The following ZFHX4 variants were observed in gnomAD, a reference collection of about 807,000 sequenced individuals.
ZFHX4 encodes zinc finger homeobox protein 4.
In ZFHX4, 56 loss-of-function variants were observed where a neutral mutation model predicts 267.6. The observed-to-expected ratio is 0.21, with a 90% CI of 0.17 to 0.26. The LOEUF (loss-of-function observed/expected upper bound fraction) is 0.26. Ranked by LOEUF, ZFHX4 falls within the 10% of genes least tolerant of loss-of-function variation. The pLI is 1.00. For synonymous variants in ZFHX4, 1,778 were observed against 1,665.6 expected (o/e 1.07, Z -1.64); for missense variants, 4,332 against 4,420.0 (o/e 0.98, Z 0.56).
At position 76,854,722 on chromosome 8, in the gene ZFHX4, G is replaced by T. The variant is rs1445640360; in HGVS notation, c.7801G>T (p.Asp2601Tyr). The change falls in exon 10 of 11, where the codon GAC becomes TAC. Residue 2601 changes from aspartate (D) to tyrosine (Y), a missense_variant. This residue lies in a region of ZFHX4 where 1,648 missense variants were observed against 1,625.0 expected (regional missense o/e 1.01). Coordinates refer to ENST00000651372, the MANE Select transcript of ZFHX4 (RefSeq NM_024721.5). ...SEKEGGNSGE[D>Y]QHRDKRLRTT... ...AAAAGAAGGAGGGAATAGCGGTGAA[G>T]ACCAACACCGAGATAAACGCTTGAG... 6.2e-7 allele frequency: 1 copy of T among 1,613,136 alleles called. No homozygotes were observed. The highest frequency in any genetic ancestry group is 1.3e-5 in the African/African-American group (1 of 74,872).
chr8:76,784,171 A>G (rs1043979959), intron 4 of ZFHX4, among the ~76,000 whole-genome samples: 7 of 152,008 alleles, frequency 4.6e-5, no homozygotes, highest in Non-Finnish European at 7.4e-5. Flanking sequence ...TAATTGTAGA[A>G]TTGATAATTC....
chr8:76,849,484 G>T, intron 7 of ZFHX4, 28 bp from the exon 8 acceptor site: 1 of 1,575,274 alleles, frequency 6.3e-7, no homozygotes, highest in Non-Finnish European at 8.7e-7. Context: ...TTAACTAATA[G>T]TGGCCATGTT....
rs56753465 is a variant in ZFHX4 at position 76,728,376 on chromosome 8, C to T, written c.3093+20328C>T. The stretch of plus-strand genomic sequence containing the variant: ...TGAAAATCTCCAAACCTCATTTTAG[C>T]CACTGGTTTCCAATATCTTCCTTTT... On this transcript the variant is annotated intron_variant, in intron 3 of 10. Coordinates refer to ENST00000651372, the MANE Select transcript of ZFHX4 (RefSeq NM_024721.5). Among the ~76,000 whole-genome samples the T allele has an allele frequency of 8.5e-3, 1,294 of 152,240 alleles. 22 individuals are homozygous for T. The highest frequency in any genetic ancestry group is 0.03 in the African/African-American group (1,243 of 41,546).
chr8:76,805,338 G>T (rs944676259), intron 4 of ZFHX4, among the ~76,000 whole-genome samples: 8 of 152,052 alleles, frequency 5.3e-5, no homozygotes, highest in African/African-American at 1.9e-4. Flanking sequence ...AAATGAGGTT[G>T]TTGTAAAGGA....
At chr8:76,841,403 T>G (rs536095355) in intron 5 of ZFHX4, among the ~76,000 whole-genome samples, 6 of 152,278 alleles carry the variant, frequency 3.9e-5, no homozygotes, top group African/African-American at 1.2e-4. Flanking sequence ...AGGGCCACGA[T>G]TTCCCCTTTC....
intron 3 of ZFHX4, among the ~76,000 whole-genome samples, chr8:76,770,691 A>G (rs965306090): frequency 2.0e-5 from 3 of 152,160 alleles, no homozygotes; most frequent in African/African-American, 7.2e-5. Context: ...TACAACAAGG[A>G]AAAAAATGTC....
rs371431519 is a variant in ZFHX4 at position 76,853,940 on chromosome 8, A to T, written c.7019A>T (p.Asp2340Val). Residue 2340 changes from aspartate (D) to valine (V), a missense_variant, in exon 10 of 11, where the codon GAT becomes GTT. By Grantham distance (152) the Asp-to-Val change is radical (BLOSUM62 -3). Around this residue, in one of 7 missense-constraint regions of ZFHX4, gnomAD observed 1,648 missense variants for 1,625.0 expected, o/e 1.01. Transcript: ENST00000651372. ...HQKKQCYKDEDDDAQDESQTE... is the reference protein window; with the variant it reads ...HQKKQCYKDEVDDAQDESQTE... ...AAAAAGCAGTGTTACAAGGATGAAGATGATGATGCCCAAGATGAAAGCCAA... is the reference window on the plus strand; with the variant it reads ...AAAAAGCAGTGTTACAAGGATGAAGTTGATGATGCCCAAGATGAAAGCCAA... 7 of 1,613,806 alleles carry T rather than the reference A, an allele frequency of 4.3e-6. No individual in the cohort carries two copies. Among genetic ancestry groups the T allele is most frequent in the Middle Eastern group, 1.6e-4 (1 of 6,084 alleles).
At chr8:76,709,148 T>G (rs1808356730) in intron 3 of ZFHX4, among the ~76,000 whole-genome samples, 1 of 152,150 alleles carries the variant, frequency 6.6e-6, no homozygotes, top group African/African-American at 2.4e-5. Context: ...CCGTTTAGAT[T>G]AGGTGAAGGA....
chr8:76,732,423 A>C (rs1809045850), intron 3 of ZFHX4, among the ~76,000 whole-genome samples: 1 of 152,034 alleles, frequency 6.6e-6, no homozygotes. Flanking sequence ...TATTCGCAGT[A>C]TTCTATAAAT....
chr8:76,836,087 A>G (rs1471379787), intron 5 of ZFHX4, among the ~76,000 whole-genome samples: 1 of 152,214 alleles, frequency 6.6e-6, no homozygotes, highest in Non-Finnish European at 1.5e-5. Flanking sequence ...ATTAGTGAGT[A>G]TCTTCTATGT....
chr8:76,837,860 T>C (rs1349476726), intron 5 of ZFHX4, among the ~76,000 whole-genome samples: 1 of 152,162 alleles, frequency 6.6e-6, no homozygotes, highest in East Asian at 1.9e-4. Flanking sequence ...TAATCCTAGT[T>C]CAGGGTTCAG....
intron 4 of ZFHX4, among the ~76,000 whole-genome samples, chr8:76,791,257 A>G (rs1585948494): frequency 6.6e-6 from 1 of 152,108 alleles, no homozygotes; most frequent in Admixed American, 6.6e-5. Context: ...TTTTATACAG[A>G]TCACACAGCA....
intron 3 of ZFHX4, among the ~76,000 whole-genome samples, chr8:76,738,536 C>A (rs1283668088): frequency 6.6e-6 from 1 of 152,126 alleles, no homozygotes; most frequent in Non-Finnish European, 1.5e-5. Flanking sequence ...CATTGTCTAT[C>A]CATATTTCTT....
In ZFHX4 at chr8:76,778,251, A is replaced by G; in HGVS notation, c.3137A>G (p.Tyr1046Cys). The change falls in exon 4 of 11, where the codon TAT (tyrosine) becomes TGT (cysteine). Residue 1046 changes from tyrosine (Y) to cysteine (C), a missense_variant. By Grantham distance (194) the Tyr-to-Cys change is radical. This residue lies in a region of ZFHX4 where 1,371 missense variants were observed against 1,423.1 expected (regional missense o/e 0.96). Coordinates refer to ENST00000651372, the MANE Select transcript of ZFHX4 (RefSeq NM_024721.5). ...GGTGCAGTGAATCCCGAATCCTGCTATTACTACTGTGCCGTGTGTGATTAC... is the reference window on the plus strand; with the variant it reads ...GGTGCAGTGAATCCCGAATCCTGCTGTTACTACTGTGCCGTGTGTGATTAC... Reference protein sequence around the residue: ...QEGAVNPESCYYYCAVCDYTT... With the variant: ...QEGAVNPESCCYYCAVCDYTT... 3.7e-6 allele frequency: 6 copies of G among 1,613,676 alleles called. No individual in the cohort carries two copies. The highest frequency in any genetic ancestry group is 5.1e-6 in the Non-Finnish European group (6 of 1,179,736).
chr8:76,831,001 G>T (rs1343340817), intron 4 of ZFHX4, among the ~76,000 whole-genome samples: 2 of 152,080 alleles, frequency 1.3e-5, no homozygotes, highest in South Asian at 2.1e-4. Flanking sequence ...GACAGACAAG[G>T]GTTTCATTCC....
rs954259739 is a variant in ZFHX4, at chr8:76,740,976, A to G, written c.3093+32928A>G. Among the ~76,000 whole-genome samples the G allele has an allele frequency of 2.0e-5, 3 of 152,186 alleles. No homozygotes were observed. In the East Asian group the frequency reaches 5.8e-4, roughly 29 times the overall value. The stretch of plus-strand genomic sequence containing the variant: ...ATCAATTGAATTTATAGATATATTA[A>G]TTAAAGGAGGATGAGATTTCCAAGT... On this transcript the variant is annotated intron_variant, in intron 3 of 10. Coordinates refer to ENST00000651372, the MANE Select transcript of ZFHX4 (RefSeq NM_024721.5).
Position 76,690,552 on chromosome 8 carries a change from C to T in ZFHX4, c.-47+8932C>T, listed in dbSNP as rs184527452. Among the ~76,000 whole-genome samples the T allele has an allele frequency of 1.1e-3, 172 of 152,018 alleles. 1 individual carries two copies. Among genetic ancestry groups the T allele is most frequent in the African/African-American group, 3.7e-3 (155 of 41,496 alleles). On this transcript the variant is annotated intron_variant, in intron 1 of 10. Coordinates refer to ENST00000651372, the MANE Select transcript of ZFHX4 (RefSeq NM_024721.5). ...AATGTGGATTTTCAAAAATATAGTG[C>T]TTAGTAGTTTTTAAAATACCATAAA...
chr8:76,799,284 C>T (rs1171232156), intron 4 of ZFHX4, among the ~76,000 whole-genome samples: 1 of 152,100 alleles, frequency 6.6e-6, no homozygotes, highest in African/African-American at 2.4e-5. Flanking sequence ...CTTCTGACCT[C>T]GCCTTTAGAG....
At chr8:76,779,044 C>T (rs544233224) in intron 4 of ZFHX4, among the ~76,000 whole-genome samples, 2 of 152,182 alleles carry the variant, frequency 1.3e-5, no homozygotes, top group South Asian at 4.2e-4. Flanking sequence ...ATCTCTGTTC[C>T]CTAAAGTGTC....
Sources: allele counts gnomAD v4.1 joint callset (sites outside exome capture counted in the v4.1 genomes callset), GRCh38; gene constraint gnomAD v4.1.1; regional missense constraint gnomAD v4.1.1; transcripts MANE v1.5; gene names NCBI Gene and HGNC (gene_info 2026-07-23, HGNC 2026-07-21).